The following STK33 variants were observed in gnomAD, a reference collection of about 807,000 sequenced individuals.
The protein encoded by STK33 is serine/threonine kinase 33.
Under a neutral mutation model 58.0 loss-of-function variants are expected in STK33, and 52 were observed. The ratio of observed to expected loss-of-function variants is 0.90; its 90% CI spans 0.72 to 1.13. STK33 has a LOEUF of 1.13. Among genes scored for constraint, STK33 ranks in the 50% most tolerant of loss-of-function variants. The pLI is 0.00. For missense variants in STK33, 630 were observed against 604.2 expected, an observed-to-expected ratio of 1.04 and a Z score of -0.45; for synonymous variants, 215 against 200.1, an observed-to-expected ratio of 1.07 and a Z score of -0.63.
At chr11:8,463,589 A>G (rs1020899629) in intron 7 of STK33, among the ~76,000 whole-genome samples, 2 of 152,114 alleles carry the variant, frequency 1.3e-5, no homozygotes, top group Non-Finnish European at 2.9e-5. Context: ...CTAGATATGG[A>G]AAGTTACCCC....
chr11:8,486,182 GATC>G (rs1440660747), intron 1 of STK33, among the ~76,000 whole-genome samples: 1 of 152,124 alleles, frequency 6.6e-6, no homozygotes, highest in Non-Finnish European at 1.5e-5. Context: ...ATGCAAATCT[GATC>G]ATATTTCTTC....
intron 1 of STK33, among the ~76,000 whole-genome samples, chr11:8,531,271 C>G (rs1431477926): frequency 6.6e-6 from 1 of 152,078 alleles, no homozygotes; most frequent in Non-Finnish European, 1.5e-5. Context: ...TTCATAAATA[C>G]AGGTAAGAAA....
At chr11:8,560,780 C>T (rs377675579) in intron 1 of STK33, among the ~76,000 whole-genome samples, 1 of 152,094 alleles carries the variant, frequency 6.6e-6, no homozygotes, top group Non-Finnish European at 1.5e-5. Flanking sequence ...CACAACAACC[C>T]TAGTAGGTTA....
At chr11:8,368,983 C>T in the STK33 span, among the ~76,000 whole-genome samples, 3 of 152,272 alleles carry the variant, frequency 2.0e-5, no homozygotes, top group African/African-American at 4.8e-5. Flanking sequence ...GCGTCTGCGT[C>T]CATCTGTATG....
chr11:8,385,501 A>T, the STK33 span, among the ~76,000 whole-genome samples: 1 of 152,170 alleles, frequency 6.6e-6, no homozygotes, highest in African/African-American at 2.4e-5. Flanking sequence ...TGGCTTCCTT[A>T]GAGAGGCTTT....
At chr11:8,395,004 T>A (rs150119061) in intron 15 of STK33, among the ~76,000 whole-genome samples, 1 of 152,290 alleles carries the variant, frequency 6.6e-6, no homozygotes. Flanking sequence ...CAATTTATAG[T>A]GTACAATTTC....
chr11:8,423,483 C>T (rs894208030), intron 14 of STK33, among the ~76,000 whole-genome samples: 2 of 151,908 alleles, frequency 1.3e-5, no homozygotes, highest in African/African-American at 2.4e-5. Context: ...GGGGTTTATT[C>T]TTTAACTTAT....
At chr11:8,510,126 G>A (rs1211446858) in intron 1 of STK33, among the ~76,000 whole-genome samples, 2 of 152,168 alleles carry the variant, frequency 1.3e-5, no homozygotes, top group Non-Finnish European at 2.9e-5. Context: ...CACTAGCAGT[G>A]TAAAAGTGTT....
chr11:8,422,260 T>C (rs561229201), intron 14 of STK33, among the ~76,000 whole-genome samples: 25 of 152,294 alleles, frequency 1.6e-4, no homozygotes, highest in African/African-American at 4.8e-4. Context: ...TGGGGATTTA[T>C]ACTTACAGAT....
the STK33 span, among the ~76,000 whole-genome samples, chr11:8,335,727 T>G: frequency 1.3e-5 from 2 of 152,330 alleles, no homozygotes; most frequent in East Asian, 3.9e-4. Context: ...TAACCCAATA[T>G]TATTACTGGG....
chr11:8,473,799 C>T (rs1176444570), intron 5 of STK33, among the ~76,000 whole-genome samples: 4 of 152,080 alleles, frequency 2.6e-5, no homozygotes, highest in Non-Finnish European at 5.9e-5. Context: ...GAATGGGAAC[C>T]TGACTTTTCT....
At chr11:8,407,481 G>C (rs1276400115) in intron 15 of STK33, among the ~76,000 whole-genome samples, 1 of 152,002 alleles carries the variant, frequency 6.6e-6, no homozygotes, top group African/African-American at 2.4e-5. Context: ...TTTCTTTTTA[G>C]TAAAGTTCTT....
rs151180681 is a variant in STK33, at chr11:8,513,828, T to C, written c.-465-33214A>G. On this transcript the variant is annotated intron_variant, in intron 1 of 15. Coordinates refer to ENST00000687296, the MANE Select transcript of STK33 (RefSeq NM_001352389.2). ...CTTTGTGTTATAAACAATTCAATTA[T>C]ACTCTTTTAGTTATTTTTAAATGTA... Among the ~76,000 whole-genome samples the C allele has an allele frequency of 1.3e-4, 20 of 152,360 alleles. No homozygotes were observed. The East Asian group carries it at 3.9e-3, about 29-fold the overall frequency.
intron 14 of STK33, among the ~76,000 whole-genome samples, chr11:8,430,842 G>A (rs1943331001): frequency 6.6e-6 from 1 of 151,268 alleles, no homozygotes; most frequent in South Asian, 2.1e-4. Context: ...AAGTGTCCTG[G>A]CTCATGAGCT....
chr11:8,484,383 T>C (rs1950059503), intron 1 of STK33, among the ~76,000 whole-genome samples: 1 of 152,202 alleles, frequency 6.6e-6, no homozygotes, highest in Non-Finnish European at 1.5e-5. Flanking sequence ...TCTCTCAACC[T>C]AATGCTCCAA....
At chr11:8,408,652 A>G (rs1001341997) in intron 15 of STK33, among the ~76,000 whole-genome samples, 1 of 152,226 alleles carries the variant, frequency 6.6e-6, no homozygotes, top group Admixed American at 6.5e-5. Context: ...ACTATGTTTG[A>G]GAGGTCCCCA....
downstream of STK33, among the ~76,000 whole-genome samples, chr11:8,386,921 A>G (rs191317417): frequency 2.0e-3 from 307 of 152,272 alleles, 1 homozygote; most frequent in African/African-American, 7.1e-3. Context: ...GCTCCTGGTA[A>G]GCATCGATCT....
intron 14 of STK33, among the ~76,000 whole-genome samples, chr11:8,414,665 G>A (rs1940851356): frequency 6.6e-6 from 1 of 152,096 alleles, no homozygotes; most frequent in South Asian, 2.1e-4. Flanking sequence ...ACTAAATATG[G>A]AATGCTAATA....
Position 8,510,926 on chromosome 11 carries a change from T to C in STK33, c.-465-30312A>G, listed in dbSNP as rs1239051232. Among the ~76,000 whole-genome samples, 3 of 152,212 alleles carry C rather than the reference T, an allele frequency of 2.0e-5. No homozygotes were observed. The East Asian group carries it at 5.8e-4, about 29-fold the overall frequency. On this transcript the variant is annotated intron_variant, in intron 1 of 15. Transcript: ENST00000687296. Reference sequence around the variant, plus strand: ...TATAGCCTTGCAGTATATAATGTGATGCCTCCAGATTTGTTCTTTTTGCTT... The same window carrying C: ...TATAGCCTTGCAGTATATAATGTGACGCCTCCAGATTTGTTCTTTTTGCTT...
Sources: gnomAD v4.1 joint callset for allele counts (sites outside exome capture counted in the v4.1 genomes callset) on GRCh38, gnomAD v4.1.1 for gene constraint, MANE v1.5 for transcripts, NCBI Gene and HGNC (gene_info 2026-07-23, HGNC 2026-07-21) for gene names.